Variants in GSE1 observed in about 807,000 individuals in gnomAD.
GSE1 encodes the protein genetic suppressor element 1.
In GSE1, 32 loss-of-function variants were observed where a neutral mutation model predicts 112.6. The ratio of observed to expected loss-of-function variants is 0.28; its 90% CI spans 0.21 to 0.38. The LOEUF is 0.38. Among genes scored for constraint, GSE1 ranks in the 10% least tolerant of loss-of-function variants. The probability of loss-of-function intolerance (pLI) is 1.00; values close to 1 mark genes in which losing one functional copy is unlikely to be tolerated. For synonymous variants in GSE1, 1,115 were observed against 735.6 expected (o/e 1.52, Z -8.35); for missense variants, 2,348 against 1,699.2 (o/e 1.38, Z -6.71).
intron 1 of GSE1, among the ~76,000 whole-genome samples, chr16:85,208,214 G>A (rs1303331356): frequency 2.0e-5 from 3 of 152,258 alleles, no homozygotes; most frequent in Non-Finnish European, 1.5e-5. Flanking sequence ...GTGTCTCAAC[G>A]TTCCTGCTAG....
chr16:85,408,524 T>G lies in GSE1; in HGVS notation c.2464+50881T>G, dbSNP rs529954359. The stretch of plus-strand genomic sequence containing the variant: ...TCCTCACTGTTACACTCAGGCCCCC[T>G]GGATAATCCTCACTGTTACACTCAG... On this transcript the variant is annotated intron_variant, in intron 2 of 2. Coordinates refer to the GSE1 transcript ENST00000637419. Among the ~76,000 whole-genome samples, 2 of 33,422 alleles carry G rather than the reference T, an allele frequency of 6.0e-5. 1 individual carries two copies. The highest frequency in any genetic ancestry group is 1.2e-4 in the Non-Finnish European group (2 of 17,082). The allele number at this position is 33,422 out of a possible 152,430, so 21.9% of individuals were successfully genotyped here.
chr16:85,306,932 G>A (rs955604745), intron 1 of GSE1, among the ~76,000 whole-genome samples: 2 of 152,228 alleles, frequency 1.3e-5, no homozygotes, highest in Non-Finnish European at 2.9e-5. Context: ...GTTATGCACT[G>A]GGGCACAAGC....
chr16:85,437,459 G>T (rs141466202), intron 2 of GSE1, among the ~76,000 whole-genome samples: 2,246 of 152,236 alleles, frequency 0.015, 30 homozygotes, highest in Non-Finnish European at 0.023. Context: ...CCTGGGAGGA[G>T]AAATAAGGAA....
At chr16:85,344,461 C>T (rs1189466058) in intron 1 of GSE1, among the ~76,000 whole-genome samples, 1 of 152,234 alleles carries the variant, frequency 6.6e-6, no homozygotes, top group Non-Finnish European at 1.5e-5. Context: ...GAGCTGCCCT[C>T]CTGAGAAGCT....
intron 1 of GSE1, among the ~76,000 whole-genome samples, chr16:85,567,946 A>T (rs1156954877): frequency 6.6e-6 from 1 of 151,954 alleles, no homozygotes; most frequent in African/African-American, 2.4e-5. Flanking sequence ...CTGATCTCGC[A>T]TTCCTGGGCT....
chr16:85,662,718 G>T (rs1405075920), intron 9 of GSE1: 7 of 476,056 alleles, frequency 1.5e-5, no homozygotes, highest in Admixed American at 3.7e-5. Context: ...CCAGGGGGAG[G>T]AGGGAGGTCT....
At chr16:85,325,613 A>G (rs570052409) in intron 1 of GSE1, among the ~76,000 whole-genome samples, 3 of 150,134 alleles carry the variant, frequency 2.0e-5, no homozygotes, top group Non-Finnish European at 4.4e-5. Context: ...CGCCATGCCC[A>G]GCTAATTTTT....
intron 2 of GSE1, among the ~76,000 whole-genome samples, chr16:85,505,359 C>T (rs990986425): frequency 6.6e-6 from 1 of 152,210 alleles, no homozygotes; most frequent in African/African-American, 2.4e-5. Flanking sequence ...AGGCCTTCCA[C>T]ACATGCCCAC....
intron 2 of GSE1, among the ~76,000 whole-genome samples, chr16:85,548,267 G>C (rs1370408488): frequency 7.4e-6 from 1 of 135,266 alleles, no homozygotes; most frequent in South Asian, 2.5e-4. Flanking sequence ...AAGAAAGAAA[G>C]AAATATTCGA....
rs781614617 is a variant in GSE1, at chr16:85,673,561, AAAG to A, written c.*1031_*1033del. ...AAATATTGAAGTGTTTTTAAAAATT[AAAG>A]AAGAAGAAAAGTAAAAGAGCTTACC... On this transcript the variant is annotated 3_prime_UTR_variant, in exon 16 of 16. Transcript: ENST00000253458. 1.4e-4 allele frequency: 22 copies of A among 152,154 alleles called. No homozygotes were observed. The highest frequency in any genetic ancestry group is 4.2e-4 in the South Asian group (2 of 4,804). 9.4% of individuals were successfully genotyped at this position (152,154 alleles called of 1,614,324 possible). A position where few individuals can be genotyped will look rare whatever the true frequency, so the allele number is the denominator to read the frequency against.
chr16:85,189,566 G>T (rs1382017379), intron 1 of GSE1, among the ~76,000 whole-genome samples: 1 of 152,190 alleles, frequency 6.6e-6, no homozygotes, highest in African/African-American at 2.4e-5. Context: ...GTAAATAAAA[G>T]TTCTAAGAGA....
At chr16:85,528,249 C>T (rs1287375652) in intron 2 of GSE1, among the ~76,000 whole-genome samples, 3 of 152,160 alleles carry the variant, frequency 2.0e-5, no homozygotes, top group Admixed American at 6.5e-5. Flanking sequence ...TGTTGAAAAG[C>T]GATGTGGGGA....
chr16:85,613,330 C>T lies in GSE1; in HGVS notation c.-62C>T. ...CCCCGGGTGAGATAAGCAGTTTAGA[C>T]AAACACTGGGCGACGGTGGCTCCAG... On this transcript the variant is annotated 5_prime_UTR_variant, in exon 1 of 16. Transcript: ENST00000253458. 1 of 1,555,560 alleles carries T rather than the reference C, an allele frequency of 6.4e-7. No individual in the cohort carries two copies. The highest frequency in any genetic ancestry group is 2.4e-5 in the East Asian group (1 of 41,248).
upstream of GSE1, among the ~76,000 whole-genome samples, chr16:85,607,151 GC>G (rs1487447422): frequency 6.6e-6 from 1 of 152,020 alleles, no homozygotes; most frequent in African/African-American, 2.4e-5. Context: ...GCTGGAAGCT[GC>G]CCTCTGGGAC....
At chr16:85,510,862 G>A (rs1419106377) in intron 2 of GSE1, among the ~76,000 whole-genome samples, 1 of 152,068 alleles carries the variant, frequency 6.6e-6, no homozygotes, top group East Asian at 1.9e-4. Flanking sequence ...TTTCCCTGAA[G>A]CGCTGTTCCC....
rs571913941 is a variant in GSE1 at position 85,646,718 on chromosome 16, G to A, written c.227-1834G>A. Among the ~76,000 whole-genome samples, 248 of 152,276 alleles carry A rather than the reference G, an allele frequency of 1.6e-3. 1 individual carries two copies. The highest frequency in any genetic ancestry group is 5.5e-3 in the African/African-American group (228 of 41,560). On this transcript the variant is annotated intron_variant, in intron 2 of 15. Coordinates refer to ENST00000253458, the MANE Select transcript of GSE1 (RefSeq NM_014615.5). Reference sequence around the variant, plus strand: ...CCCCGCTGCAGGCTGCAGGCCAGCCGGAGTCGGGGGTGTGAGTGTGCAGCC... The same window carrying A: ...CCCCGCTGCAGGCTGCAGGCCAGCCAGAGTCGGGGGTGTGAGTGTGCAGCC...
chr16:85,586,068 C>T (rs933651354), intron 1 of GSE1, among the ~76,000 whole-genome samples: 15 of 152,158 alleles, frequency 9.9e-5, no homozygotes, highest in African/African-American at 3.4e-4. Context: ...CCAGGCAGGC[C>T]TCTCTCCCCT....
At chr16:85,190,394 G>A (rs1170306976) in intron 1 of GSE1, among the ~76,000 whole-genome samples, 1 of 152,190 alleles carries the variant, frequency 6.6e-6, no homozygotes. Context: ...TAATAATATT[G>A]TGTTTCATTT....
At chr16:85,412,897 G>T (rs1013944796) in intron 2 of GSE1, among the ~76,000 whole-genome samples, 2 of 152,208 alleles carry the variant, frequency 1.3e-5, no homozygotes, top group African/African-American at 2.4e-5. Context: ...TTTTCAGGGG[G>T]CCGTGATCCA....
Sources: gnomAD v4.1 joint callset for allele counts (sites outside exome capture counted in the v4.1 genomes callset) on GRCh38, gnomAD v4.1.1 for gene constraint, MANE v1.5 for transcripts, NCBI Gene and HGNC (gene_info 2026-07-23, HGNC 2026-07-21) for gene names.